ZBTB16: variants seen among roughly 807,000 people sequenced by gnomAD.
The protein encoded by ZBTB16 is zinc finger and BTB domain-containing protein 16.
A neutral mutation model predicts 56.8 loss-of-function variants in ZBTB16; 8 were observed. The observed-to-expected ratio is 0.14, with a 90% CI of 0.08 to 0.25. The LOEUF is 0.25. Among genes scored for constraint, ZBTB16 ranks in the 10% least tolerant of loss-of-function variants. ZBTB16 has a pLI of 1.00. For synonymous variants in ZBTB16, 363 were observed against 368.5 expected (o/e 0.98, Z 0.17); for missense variants, 625 against 903.0 (o/e 0.69, Z 3.95).
chr11:114,215,585 C>T (rs545213148), intron 4 of ZBTB16, among the ~76,000 whole-genome samples: 8 of 152,276 alleles, frequency 5.3e-5, no homozygotes, highest in East Asian at 1.9e-4. Flanking sequence ...TACCCTACAA[C>T]GAGAGGTAAA....
chr11:114,173,260 G>A (rs550937342), intron 3 of ZBTB16, among the ~76,000 whole-genome samples: 1 of 152,312 alleles, frequency 6.6e-6, no homozygotes, highest in African/African-American at 2.4e-5. Context: ...AGGCTGAGAA[G>A]GGCTAAAAAT....
chr11:114,063,961 C>G lies in ZBTB16; in HGVS notation c.661C>G (p.Pro221Ala). Reference protein sequence around the residue: ...QSLLQGTLQPPAGPEEPTLAG... With the variant: ...QSLLQGTLQPAAGPEEPTLAG... ...TCTCCTGCAGGGAACTCTTCAGCCA[C>G]CTGCAGGGCCCGAGGAGCCAACTCT... is the stretch of plus-strand genomic sequence containing the variant. The change falls in exon 2 of 7, where the codon CCT (proline) becomes GCT (alanine). Residue 221 changes from proline to alanine, a missense_variant. By Grantham distance (27) the Pro-to-Ala change is conservative (BLOSUM62 -1). Coordinates refer to ENST00000335953, the MANE Select transcript of ZBTB16 (RefSeq NM_006006.6). The surrounding 1 kb of genome is among the most constrained non-coding windows in gnomAD (Gnocchi z 6.5). 6.2e-7 allele frequency: 1 copy of G among 1,613,768 alleles called. No individual in the cohort carries two copies. Among genetic ancestry groups the G allele is most frequent in the Non-Finnish European group, 8.5e-7 (1 of 1,180,002 alleles).
intron 5 of ZBTB16, among the ~76,000 whole-genome samples, chr11:114,243,265 G>A (rs1187318316): frequency 2.0e-5 from 3 of 152,324 alleles, no homozygotes; most frequent in Admixed American, 6.5e-5. Flanking sequence ...GTATATAACA[G>A]AGCGTATACT....
In ZBTB16 at chr11:114,216,496, G is replaced by A. The variant is rs186282787; in HGVS notation, c.1454-25671G>A. Among the ~76,000 whole-genome samples the A allele has an allele frequency of 2.0e-5, 3 of 152,290 alleles. No individual in the cohort carries two copies. The East Asian group carries it at 5.8e-4, about 29-fold the overall frequency. ...GACAAGGACAGGGGGAGGGGCTGCTGCACAAGCCCAGCCTTTGGACACTGG... is the reference window on the plus strand; with the variant it reads ...GACAAGGACAGGGGGAGGGGCTGCTACACAAGCCCAGCCTTTGGACACTGG... On this transcript the variant is annotated intron_variant, in intron 4 of 6. Transcript: ENST00000335953.
intron 4 of ZBTB16, chr11:114,188,967 A>T (rs1565676013): frequency 6.6e-6 from 1 of 152,216 alleles, no homozygotes; most frequent in Non-Finnish European, 1.5e-5. Flanking sequence ...AAAGGGAGTG[A>T]GCATTTGCAG....
intron 2 of ZBTB16, among the ~76,000 whole-genome samples, chr11:114,068,480 A>G (rs1939209230): frequency 6.6e-6 from 1 of 152,226 alleles, no homozygotes; most frequent in South Asian, 2.1e-4. Context: ...CACTGCAGGA[A>G]TGACGTGCTG....
At chr11:114,134,047 A>G (rs923953885) in intron 2 of ZBTB16, among the ~76,000 whole-genome samples, 1 of 152,206 alleles carries the variant, frequency 6.6e-6, no homozygotes, top group Non-Finnish European at 1.5e-5. Context: ...GCACGGGAGC[A>G]CAGCTGGTTG....
chr11:114,087,217 TAGA>T (rs923475559), intron 2 of ZBTB16, among the ~76,000 whole-genome samples: 1 of 152,250 alleles, frequency 6.6e-6, no homozygotes, highest in Non-Finnish European at 1.5e-5. Context: ...CTGCTGAATG[TAGA>T]AGAAGATGAC....
At chr11:114,095,251 T>TTTCTTTTCTTTTCTTTTC in intron 2 of ZBTB16, among the ~76,000 whole-genome samples, 1 of 122,994 alleles carries the variant, frequency 8.1e-6, no homozygotes, top group African/African-American at 3.3e-5. Flanking sequence ...TTTTCTTTTT[T>TTTCTTTTCTTTTCTTTTC]TTTTTTTTTT....
chr11:114,200,052 C>A (rs1405575973), intron 4 of ZBTB16, among the ~76,000 whole-genome samples: 1 of 149,788 alleles, frequency 6.7e-6, no homozygotes, highest in African/African-American at 2.5e-5. Flanking sequence ...GGTGTGAACC[C>A]GGGAGGCGGA....
At chr11:114,192,676 T>C (rs1257882272) in intron 4 of ZBTB16, among the ~76,000 whole-genome samples, 2 of 152,158 alleles carry the variant, frequency 1.3e-5, no homozygotes, top group Non-Finnish European at 2.9e-5. Flanking sequence ...AGCTCAGTTA[T>C]AGAGAAAGTG....
chr11:114,116,336 T>C (rs369667453), intron 2 of ZBTB16, among the ~76,000 whole-genome samples: 1 of 152,194 alleles, frequency 6.6e-6, no homozygotes, highest in African/African-American at 2.4e-5. Context: ...CCCAGGTGTG[T>C]GTGTCTGAAA....
intron 3 of ZBTB16, among the ~76,000 whole-genome samples, chr11:114,177,979 G>A (rs1443153466): frequency 3.3e-5 from 5 of 152,192 alleles, no homozygotes; most frequent in Non-Finnish European, 4.4e-5. Flanking sequence ...ATCTCAAACT[G>A]GTTTGCATTC....
chr11:114,221,123 C>T (rs1426067044), intron 4 of ZBTB16, among the ~76,000 whole-genome samples: 3 of 152,220 alleles, frequency 2.0e-5, no homozygotes, highest in South Asian at 2.1e-4. Flanking sequence ...TGTGCTAGTT[C>T]CTTTTCCCTT....
At chr11:114,092,224 G>T (rs1043603567) in intron 2 of ZBTB16, among the ~76,000 whole-genome samples, 1 of 152,224 alleles carries the variant, frequency 6.6e-6, no homozygotes, top group Non-Finnish European at 1.5e-5. Flanking sequence ...TCCAGGGCTG[G>T]CTACAAAGGT....
At position 114,143,671 on chromosome 11, in the gene ZBTB16, G is replaced by A. The variant is rs1942022140; in HGVS notation, c.1269-12666G>A. On this transcript the variant is annotated intron_variant, in intron 2 of 6. Coordinates refer to ENST00000335953, the MANE Select transcript of ZBTB16 (RefSeq NM_006006.6). The surrounding 1 kb of genome is among the most constrained non-coding windows in gnomAD (Gnocchi z 6.4). ...GTAAGAGTGGGGCCAACGTCCTTGT[G>A]CATTGAGGCTCCAGCCTCTCTTCTC... Among the ~76,000 whole-genome samples the A allele has an allele frequency of 1.3e-5, 2 of 152,320 alleles. No individual in the cohort carries two copies. The highest frequency in any genetic ancestry group is 3.9e-4 in the East Asian group (2 of 5,180).
At chr11:114,193,439 C>T (rs542281820) in intron 4 of ZBTB16, among the ~76,000 whole-genome samples, 1 of 152,236 alleles carries the variant, frequency 6.6e-6, no homozygotes, top group African/African-American at 2.4e-5. Context: ...AGGGGAGATA[C>T]AACAGCAGTT....
rs149195651 is a variant in ZBTB16, at chr11:114,137,069, G to A, written c.1269-19268G>A. ...ATTCCTGTATGCATAGAGGGCCCAG[G>A]GACCTCCCAGGCTCTCTGAGCCCTC... On this transcript the variant is annotated intron_variant, in intron 2 of 6. Coordinates refer to ENST00000335953, the MANE Select transcript of ZBTB16 (RefSeq NM_006006.6). Among the ~76,000 whole-genome samples, 23 of 152,240 alleles carry A rather than the reference G, an allele frequency of 1.5e-4. No homozygotes were observed. In the Middle Eastern group the frequency reaches 0.017, roughly 113 times the overall value.
intron 3 of ZBTB16, among the ~76,000 whole-genome samples, chr11:114,176,990 T>C (rs1210500028): frequency 2.0e-5 from 3 of 152,194 alleles, no homozygotes; most frequent in African/African-American, 4.8e-5. Context: ...CTTATTGCGA[T>C]TGGGCTTCTC....
Sources: gnomAD v4.1 joint callset for allele counts (sites outside exome capture counted in the v4.1 genomes callset) on GRCh38, gnomAD v4.1.1 for gene constraint, Gnocchi (gnomAD v3.1) non-coding constraint, MANE v1.5 for transcripts, NCBI Gene and HGNC (gene_info 2026-07-23, HGNC 2026-07-21) for gene names.